Variants in SS18L1 observed in about 807,000 individuals in gnomAD.
The protein encoded by SS18L1 is SS18L1 subunit of BAF chromatin remodeling complex, also known as calcium-responsive transactivator.
A neutral mutation model predicts 70.3 loss-of-function variants in SS18L1; 32 were observed. The observed-to-expected ratio is 0.46, with a 90% CI of 0.34 to 0.61. The LOEUF (loss-of-function observed/expected upper bound fraction) is 0.61. SS18L1 is among the 20% of genes least tolerant of loss of function. SS18L1 has a pLI of 0.01. For synonymous variants in SS18L1, 237 were observed against 229.7 expected (o/e 1.03, Z -0.29); for missense variants, 430 against 542.1 (o/e 0.79, Z 2.05).
chr20:62,150,671 G>T (rs1255342564), intron 1 of SS18L1, among the ~76,000 whole-genome samples: 4 of 19,692 alleles, frequency 2.0e-4, no homozygotes, highest in East Asian at 2.1e-3. Context: ...TTTTTTTTTT[G>T]GAGACAGAGT....
At chr20:62,173,221 GTCTCAGC>G in intron 9 of SS18L1, among the ~76,000 whole-genome samples, 1 of 152,290 alleles carries the variant, frequency 6.6e-6, no homozygotes, top group South Asian at 2.1e-4. Context: ...AAGCCTGTGG[GTCTCAGC>G]CTTCACTGCA....
chr20:62,172,844 C>A (rs2057556653), intron 9 of SS18L1, 43 bp downstream of exon 9: 1 of 1,601,862 alleles, frequency 6.2e-7, no homozygotes, highest in African/African-American at 1.3e-5. Context: ...AGCGCCCACC[C>A]CTGCCCCTGC....
chr20:62,167,038 G>GTTGTTTTTTTTTTTT (rs2057445231), intron 8 of SS18L1, among the ~76,000 whole-genome samples: 1 of 110,970 alleles, frequency 9.0e-6, no homozygotes, highest in African/African-American at 4.6e-5. Context: ...TCAGGAGTTT[G>GTTGTTTTTTTTTTTT]TTTGTTTTTT....
At chr20:62,153,499 G>A (rs565278743) in intron 1 of SS18L1, among the ~76,000 whole-genome samples, 148 of 151,810 alleles carry the variant, frequency 9.7e-4, no homozygotes, top group African/African-American at 3.4e-3. Flanking sequence ...TGCCCTCCCC[G>A]CTGCACACCT....
intron 10 of SS18L1, among the ~76,000 whole-genome samples, chr20:62,178,147 T>A (rs1462855441): frequency 7.1e-6 from 1 of 140,198 alleles, no homozygotes; most frequent in Non-Finnish European, 1.6e-5. Flanking sequence ...TATTCTTTTT[T>A]TTTTTTTTTT....
intron 8 of SS18L1, among the ~76,000 whole-genome samples, chr20:62,166,965 C>CATGG (rs1392528249): frequency 2.0e-5 from 3 of 148,744 alleles, no homozygotes; most frequent in African/African-American, 7.5e-5. Flanking sequence ...AATGGCCAGG[C>CATGG]ATGGTGGCTT....
intron 10 of SS18L1, among the ~76,000 whole-genome samples, chr20:62,177,869 G>A (rs895484622): frequency 3.3e-5 from 5 of 151,962 alleles, no homozygotes; most frequent in East Asian, 1.9e-4. Context: ...TTACAAGCAC[G>A]TACTATCACA....
At chr20:62,144,119 T>C (rs2056975921) in intron 1 of SS18L1, among the ~76,000 whole-genome samples, 1 of 148,976 alleles carries the variant, frequency 6.7e-6, no homozygotes, top group East Asian at 2.0e-4. Flanking sequence ...CCAACTTTGT[T>C]GGGGCGCGCG....
In SS18L1 at chr20:62,163,324, G is replaced by A. The variant is rs559684779; in HGVS notation, c.557-134G>A. ...GCCACGTAGGGGAGGCGTGCCTTGCGGTGGAGGACGCTGTCCTCGTGGGGA... is the reference window on the plus strand; with the variant it reads ...GCCACGTAGGGGAGGCGTGCCTTGCAGTGGAGGACGCTGTCCTCGTGGGGA... On this transcript the variant is annotated intron_variant, in intron 5 of 10. Coordinates refer to ENST00000331758, the MANE Select transcript of SS18L1 (RefSeq NM_198935.3). The A allele has an allele frequency of 1.9e-3, 2,491 of 1,328,422 alleles. 6 individuals carry two copies. Among genetic ancestry groups the A allele is most frequent in the Middle Eastern group, 3.9e-3 (15 of 3,866 alleles). The allele number at this position is 1,328,422 out of a possible 1,614,324, so 82.3% of individuals were successfully genotyped here.
intron 10 of SS18L1, among the ~76,000 whole-genome samples, chr20:62,178,342 G>A (rs2057657365): frequency 2.0e-5 from 3 of 150,052 alleles, no homozygotes; most frequent in Non-Finnish European, 4.4e-5. Flanking sequence ...TAGTAGAGAT[G>A]GGGTTTCACC....
chr20:62,179,619 T>C lies in SS18L1; in HGVS notation c.*411T>C, dbSNP rs2057678011. 1 of 253,798 alleles carries C rather than the reference T, an allele frequency of 3.9e-6. No individual in the cohort carries two copies. The highest frequency in any genetic ancestry group is 1.2e-4 in the South Asian group (1 of 8,550). The allele number at this position is 253,798 out of a possible 1,614,324, so 15.7% of individuals were successfully genotyped here. A position where few individuals can be genotyped will look rare whatever the true frequency, so the allele number is the denominator to read the frequency against. On this transcript the variant is annotated 3_prime_UTR_variant, in exon 11 of 11. Transcript: ENST00000331758. ...AGGTCTCATTTTCCTCCTCATGCAG[T>C]GTTGTAGTGTGGGTTGTCAACTTTT...
chr20:62,153,610 C>T (rs752513081), intron 1 of SS18L1, among the ~76,000 whole-genome samples: 12 of 152,198 alleles, frequency 7.9e-5, no homozygotes, highest in African/African-American at 1.4e-4. Flanking sequence ...TGCTGAACCA[C>T]GCAGGACCGT....
rs564036799 is a variant in SS18L1, at chr20:62,149,985, G to A, written c.69+6096G>A. ...GTGCTGTGCTGTGACAGCCCAAAGC[G>A]CCATGAGACTGGAAGTGATTGCCAA... On this transcript the variant is annotated intron_variant, in intron 1 of 10. Coordinates refer to ENST00000331758, the MANE Select transcript of SS18L1 (RefSeq NM_198935.3). 1.8e-4 allele frequency among the ~76,000 whole-genome samples: 27 copies of A among 152,344 alleles called. No homozygotes were observed. The East Asian group carries it at 3.9e-3, about 22-fold the overall frequency.
At chr20:62,176,933 G>T (rs913307400) in intron 10 of SS18L1, among the ~76,000 whole-genome samples, 1 of 152,262 alleles carries the variant, frequency 6.6e-6, no homozygotes, top group Non-Finnish European at 1.5e-5. Flanking sequence ...TGGCGCTTTG[G>T]CACAGCACTG....
rs1568745480 is a variant in SS18L1 at position 62,158,555 on chromosome 20, C to G, written c.70-117C>G. The G allele has an allele frequency of 6.9e-7, 1 of 1,454,806 alleles. No individual in the cohort carries two copies. The highest frequency in any genetic ancestry group is 9.2e-7 in the Non-Finnish European group (1 of 1,083,696). 90.1% of individuals were successfully genotyped at this position (1,454,806 alleles called of 1,614,324 possible). A position where few individuals can be genotyped will look rare whatever the true frequency, so the allele number is the denominator to read the frequency against. The stretch of plus-strand genomic sequence containing the variant: ...ATCTGGAAAAATCTGAAATCTGACA[C>G]GTTTCACGTAAGGGACGCTCAACCT... On this transcript the variant is annotated intron_variant, in intron 1 of 10. Coordinates refer to ENST00000331758, the MANE Select transcript of SS18L1 (RefSeq NM_198935.3). The surrounding 1 kb of genome is among the most constrained non-coding windows in gnomAD (Gnocchi z 4.5).
rs6121520 is a variant in SS18L1 at position 62,161,755 on chromosome 20, C to A, written c.376+175C>A. Among the ~76,000 whole-genome samples the A allele has an allele frequency of 0.1, 15,570 of 152,306 alleles. 2,526 individuals are homozygous for A. The highest frequency in any genetic ancestry group is 0.35 in the African/African-American group (14,396 of 41,526). On this transcript the variant is annotated intron_variant, in intron 4 of 10. Transcript: ENST00000331758. This position sits in a 1 kb window ranked among gnomAD's most constrained non-coding sequence, Gnocchi z 4.4. ...CGCCCAGGCTCAGGGCCGCAGCGAG[C>A]GTGCCGTGCGGCTGGGCTGAGCCCC...
At position 62,161,749 on chromosome 20, in the gene SS18L1, A is replaced by C. The variant is rs2057334461; in HGVS notation, c.376+169A>C. 6.6e-6 allele frequency among the ~76,000 whole-genome samples: 1 copy of C among 152,228 alleles called. No individual in the cohort carries two copies. The highest frequency in any genetic ancestry group is 2.4e-5 in the African/African-American group (1 of 41,462). Reference sequence around the variant, plus strand: ...TGCCATCGCCCAGGCTCAGGGCCGCAGCGAGCGTGCCGTGCGGCTGGGCTG... The same window carrying C: ...TGCCATCGCCCAGGCTCAGGGCCGCCGCGAGCGTGCCGTGCGGCTGGGCTG... On this transcript the variant is annotated intron_variant, in intron 4 of 10. Transcript: ENST00000331758. The surrounding 1 kb of genome is among the most constrained non-coding windows in gnomAD (Gnocchi z 4.4).
chr20:62,160,675 C>A (rs1023894688), intron 3 of SS18L1, among the ~76,000 whole-genome samples: 1 of 152,182 alleles, frequency 6.6e-6, no homozygotes, highest in African/African-American at 2.4e-5. Flanking sequence ...AGACATGTCG[C>A]CGGGAATGAC....
intron 1 of SS18L1, among the ~76,000 whole-genome samples, chr20:62,151,018 T>C (rs899910499): frequency 6.6e-6 from 1 of 152,184 alleles, no homozygotes; most frequent in African/African-American, 2.4e-5. Flanking sequence ...ACTGGAGGTC[T>C]TCCTGCCCAG....
Sources: allele counts gnomAD v4.1 joint callset (sites outside exome capture counted in the v4.1 genomes callset), GRCh38; gene constraint gnomAD v4.1.1; non-coding constraint Gnocchi (gnomAD v3.1); transcripts MANE v1.5; gene names NCBI Gene and HGNC (gene_info 2026-07-23, HGNC 2026-07-21).